STIM2: variants seen among roughly 807,000 people sequenced by gnomAD.
STIM2 encodes stromal interaction molecule 2.
Under a neutral mutation model 85.8 loss-of-function variants are expected in STIM2, and 31 were observed. The observed-to-expected ratio is 0.36, with a 90% CI of 0.27 to 0.49. STIM2 has a LOEUF of 0.49. STIM2 is among the 20% of genes least tolerant of loss of function. STIM2 has a pLI of 0.98. For missense variants in STIM2, 841 were observed against 927.6 expected (o/e 0.91, Z 1.21); for synonymous variants, 356 against 331.1 (o/e 1.08, Z -0.82).
intron 1 of STIM2, among the ~76,000 whole-genome samples, chr4:26,893,603 T>G (rs546840255): frequency 1.3e-5 from 2 of 152,316 alleles, no homozygotes; most frequent in South Asian, 4.1e-4. Context: ...AGTACTTCTG[T>G]GACTATTTCT....
intron 3 of STIM2, among the ~76,000 whole-genome samples, chr4:26,970,243 ATATG>A (rs59173204): frequency 0.068 from 1,811 of 26,684 alleles, 32 homozygotes; most frequent in African/African-American, 0.12. Context: ...ATATATATAT[ATATG>A]TATGTATTTT....
chr4:26,996,172 T>C (rs767639269), intron 4 of STIM2, among the ~76,000 whole-genome samples: 1 of 152,074 alleles, frequency 6.6e-6, no homozygotes, highest in Admixed American at 6.5e-5. Flanking sequence ...CCAGTTGTTC[T>C]CTAAATTTTA....
At chr4:27,005,773 T>C (rs187964516) in intron 7 of STIM2, among the ~76,000 whole-genome samples, 147 of 152,364 alleles carry the variant, frequency 9.6e-4, no homozygotes, top group African/African-American at 2.7e-3. Flanking sequence ...CTTCAATTTA[T>C]GCTAAAAATA....
intron 2 of STIM2, among the ~76,000 whole-genome samples, chr4:26,949,465 T>C (rs959394390): frequency 6.6e-6 from 1 of 152,198 alleles, no homozygotes; most frequent in South Asian, 2.1e-4. Flanking sequence ...TAAGTACTAA[T>C]GTAAAGTTTC....
chr4:27,019,475 A>C (rs1180566352), intron 11 of STIM2: 42 of 1,289,642 alleles, frequency 3.3e-5, no homozygotes, highest in Non-Finnish European at 4.1e-5. Context: ...CAGAAGGAAA[A>C]CTCGAGAGCT....
chr4:27,006,447 G>A (rs962665690), intron 7 of STIM2, among the ~76,000 whole-genome samples: 1 of 152,098 alleles, frequency 6.6e-6, no homozygotes, highest in Non-Finnish European at 1.5e-5. Context: ...ATTAATCTGC[G>A]GGGTGGTGCT....
At chr4:26,940,448 G>T (rs1725569734) in intron 2 of STIM2, among the ~76,000 whole-genome samples, 1 of 152,116 alleles carries the variant, frequency 6.6e-6, no homozygotes, top group East Asian at 1.9e-4. Flanking sequence ...GAAATACATT[G>T]CTTTCTGTCT....
chr4:26,977,645 G>T (rs1727246234), intron 3 of STIM2, among the ~76,000 whole-genome samples: 1 of 152,186 alleles, frequency 6.6e-6, no homozygotes, highest in South Asian at 2.1e-4. Context: ...CAGGTTACTA[G>T]TGGGGGACAG....
intron 5 of STIM2, among the ~76,000 whole-genome samples, chr4:27,000,089 A>T (rs1728098358): frequency 6.6e-6 from 1 of 152,074 alleles, no homozygotes; most frequent in Non-Finnish European, 1.5e-5. Context: ...AACAAAATTA[A>T]TACAAGAAAA....
intron 3 of STIM2, among the ~76,000 whole-genome samples, chr4:26,992,489 C>G (rs1318092765): frequency 1.3e-5 from 2 of 151,606 alleles, no homozygotes; most frequent in Admixed American, 6.6e-5. Flanking sequence ...CAGAGGAGTT[C>G]AAGAGATCAG....
intron 1 of STIM2, among the ~76,000 whole-genome samples, chr4:26,888,861 T>C (rs1723357882): frequency 6.6e-6 from 1 of 152,206 alleles, no homozygotes; most frequent in Non-Finnish European, 1.5e-5. Context: ...CATACCTCCA[T>C]TGTATGGTAG....
intron 2 of STIM2, among the ~76,000 whole-genome samples, chr4:26,937,776 C>A (rs1394868221): frequency 6.6e-6 from 1 of 152,088 alleles, no homozygotes; most frequent in Non-Finnish European, 1.5e-5. Flanking sequence ...GTTGTACTTA[C>A]CTTTATCTTT....
At chr4:26,927,765 AAAT>A (rs1362841986) in intron 2 of STIM2, among the ~76,000 whole-genome samples, 16 of 144,932 alleles carry the variant, frequency 1.1e-4, no homozygotes, top group African/African-American at 3.3e-4. Context: ...TTAAAAAAAA[AAAT>A]ATTATTAATA....
chr4:26,863,544 G>A (rs1448329896), intron 1 of STIM2, among the ~76,000 whole-genome samples: 2 of 152,084 alleles, frequency 1.3e-5, no homozygotes, highest in African/African-American at 4.8e-5. Flanking sequence ...AAGAGTGTAT[G>A]AATAGTGCTT....
chr4:26,906,887 A>C (rs1311870461), intron 1 of STIM2, among the ~76,000 whole-genome samples: 2 of 151,982 alleles, frequency 1.3e-5, no homozygotes, highest in Non-Finnish European at 2.9e-5. Flanking sequence ...GAATGGCGTG[A>C]ATCTGGGAGG....
chr4:26,928,270 G>A (rs1304695020), intron 2 of STIM2, among the ~76,000 whole-genome samples: 1 of 152,070 alleles, frequency 6.6e-6, no homozygotes, highest in African/African-American at 2.4e-5. Flanking sequence ...ATGAGTTTTG[G>A]AGGGGACAAA....
At chr4:27,003,168 TC>T in intron 7 of STIM2, 64 bp downstream of exon 7, 1 of 1,463,528 alleles carries the variant, frequency 6.8e-7, no homozygotes, top group Non-Finnish European at 9.0e-7. Context: ...AGGAGCCAGG[TC>T]CTGTTTTTCT....
chr4:27,007,806 C>T (rs1484136050), intron 8 of STIM2, 106 bp downstream of exon 8: 1 of 1,251,508 alleles, frequency 8.0e-7, no homozygotes. Flanking sequence ...TTTATTATTA[C>T]AGATTCTTTT....
chr4:26,929,847 G>A (rs952678052), intron 2 of STIM2, among the ~76,000 whole-genome samples: 1 of 152,040 alleles, frequency 6.6e-6, no homozygotes, highest in African/African-American at 2.4e-5. Context: ...AACAAAATAA[G>A]TAAGCAGGGG....
Sources: allele counts gnomAD v4.1 joint callset (sites outside exome capture counted in the v4.1 genomes callset), GRCh38; gene constraint gnomAD v4.1.1; transcripts MANE v1.5; gene names NCBI Gene and HGNC (gene_info 2026-07-23, HGNC 2026-07-21).